Variants in LYPD6B observed in about 807,000 individuals in gnomAD.
LYPD6B encodes the protein LY6/PLAUR domain containing 6B.
A neutral mutation model predicts 22.8 loss-of-function variants in LYPD6B; 17 were observed. That is an observed-to-expected ratio of 0.75 (90% CI 0.51 to 1.12). The LOEUF (loss-of-function observed/expected upper bound fraction) is 1.12. Ranked by LOEUF, LYPD6B falls within the 50% of genes most tolerant of loss-of-function variation. LYPD6B has a pLI of 0.00. For missense variants in LYPD6B, 221 were observed against 258.3 expected (o/e 0.86, Z 0.99); for synonymous variants, 106 against 91.6 (o/e 1.16, Z -0.90).
chr2:149,120,784 C>CTTTTTTTT lies in LYPD6B; in HGVS notation c.-66-10085_-66-10078dup, dbSNP rs567231544. Among the ~76,000 whole-genome samples, 271 of 95,534 alleles carry CTTTTTTTT rather than the reference C, an allele frequency of 2.8e-3. 15 individuals carry two copies. The highest frequency in any genetic ancestry group is 7.9e-3 in the African/African-American group (169 of 21,282). 62.7% of individuals were successfully genotyped at this position (95,534 alleles called of 152,430 possible). On this transcript the variant is annotated intron_variant, in intron 1 of 6. Transcript: ENST00000409642. ...ATTTTTTGCTACTATGCTACAAAGTCTTTTTTTTTTTTTTTTTTTTTGTGA... is the reference window on the plus strand; with the variant it reads ...ATTTTTTGCTACTATGCTACAAAGTCTTTTTTTTTTTTTTTTTTTTTTTTTTTTTGTGA...
At chr2:149,123,838 C>A (rs1256848118) in intron 1 of LYPD6B, among the ~76,000 whole-genome samples, 1 of 152,044 alleles carries the variant, frequency 6.6e-6, no homozygotes, top group African/African-American at 2.4e-5. Flanking sequence ...CCAGCCTGGC[C>A]GACAGAGAGA....
At position 149,048,132 on chromosome 2, in the gene LYPD6B, T is replaced by TG. The variant is rs1683392471; in HGVS notation, c.-67+9332dup. Among the ~76,000 whole-genome samples, 5 of 152,340 alleles carry TG rather than the reference T, an allele frequency of 3.3e-5. No individual in the cohort carries two copies. The South Asian group carries it at 1.0e-3, about 32-fold the overall frequency. On this transcript the variant is annotated intron_variant, in intron 1 of 6. Coordinates refer to ENST00000409642, the MANE Select transcript of LYPD6B (RefSeq NM_177964.5). ...CTAGGTCTGGTTCTATTCATTGCAATGTCTTTTCGCAGTATGATCTTTTCT... is the reference window on the plus strand; with the variant it reads ...CTAGGTCTGGTTCTATTCATTGCAATGGTCTTTTCGCAGTATGATCTTTTCT...
At position 149,069,334 on chromosome 2, in the gene LYPD6B, T is replaced by C. The variant is rs537457239; in HGVS notation, c.-67+30533T>C. Among the ~76,000 whole-genome samples, 23 of 152,306 alleles carry C rather than the reference T, an allele frequency of 1.5e-4. No individual in the cohort carries two copies. The South Asian group carries it at 4.8e-3, about 32-fold the overall frequency. ...TTGTTACACAGGACATGCCTTGTAG[T>C]TGTGCTTTTTGCCTTGGCGACATAG... On this transcript the variant is annotated intron_variant, in intron 1 of 6. Transcript: ENST00000409642.
At chr2:149,199,819 C>T (rs999968603) in intron 3 of LYPD6B, among the ~76,000 whole-genome samples, 14 of 152,184 alleles carry the variant, frequency 9.2e-5, no homozygotes, top group Non-Finnish European at 1.3e-4. Context: ...GGGTTCCCAA[C>T]GCCCAGGGAA....
intron 1 of LYPD6B, among the ~76,000 whole-genome samples, chr2:149,086,177 C>T (rs897908132): frequency 6.6e-6 from 1 of 152,218 alleles, no homozygotes; most frequent in Admixed American, 6.5e-5. Flanking sequence ...ATAAACACTT[C>T]CCCAATGTGC....
chr2:149,091,600 T>A (rs1685654644), intron 1 of LYPD6B, among the ~76,000 whole-genome samples: 1 of 151,636 alleles, frequency 6.6e-6, no homozygotes, highest in Non-Finnish European at 1.5e-5. Flanking sequence ...TTCCCTTGGG[T>A]TTATATTCAT....
chr2:149,120,325 GTA>G (rs34395659), intron 1 of LYPD6B, among the ~76,000 whole-genome samples: 15,183 of 120,074 alleles, frequency 0.13, 1,249 homozygotes, highest in Non-Finnish European at 0.18. Context: ...ATATATATGT[GTA>G]TATATATATG....
chr2:149,082,760 C>T (rs1685193758), intron 1 of LYPD6B, among the ~76,000 whole-genome samples: 1 of 152,108 alleles, frequency 6.6e-6, no homozygotes, highest in Non-Finnish European at 1.5e-5. Flanking sequence ...ATTTGGGGCT[C>T]CTCTTGTGGC....
intron 3 of LYPD6B, among the ~76,000 whole-genome samples, chr2:149,176,210 C>T (rs544926827): frequency 2.6e-5 from 4 of 152,320 alleles, no homozygotes; most frequent in South Asian, 4.1e-4. Context: ...GCTCCATTCT[C>T]ATCTTGTAGG....
chr2:149,186,365 C>G (rs1575143783), intron 3 of LYPD6B, among the ~76,000 whole-genome samples: 1 of 152,350 alleles, frequency 6.6e-6, no homozygotes, highest in East Asian at 1.9e-4. Context: ...AAAGCCTAAT[C>G]CAGAGCAAGG....
At chr2:149,046,092 G>A (rs1683292936) in intron 1 of LYPD6B, among the ~76,000 whole-genome samples, 1 of 151,986 alleles carries the variant, frequency 6.6e-6, no homozygotes, top group African/African-American at 2.4e-5. Context: ...ACACATTTAG[G>A]GTTGTGATGT....
intron 1 of LYPD6B, among the ~76,000 whole-genome samples, chr2:149,075,567 T>C (rs541613483): frequency 2.0e-5 from 3 of 152,318 alleles, no homozygotes; most frequent in South Asian, 2.1e-4. Context: ...CAAACTTCTC[T>C]TGGAGAAAAG....
chr2:149,123,736 C>A (rs1359483167), intron 1 of LYPD6B, among the ~76,000 whole-genome samples: 1 of 152,098 alleles, frequency 6.6e-6, no homozygotes, highest in Non-Finnish European at 1.5e-5. Context: ...GTGGCACGCA[C>A]CCCCAGCTAC....
At chr2:149,149,944 G>A (rs779150966) in intron 2 of LYPD6B, among the ~76,000 whole-genome samples, 2 of 152,070 alleles carry the variant, frequency 1.3e-5, no homozygotes, top group African/African-American at 2.4e-5. Context: ...AATAACATGC[G>A]TATACCACTC....
intron 1 of LYPD6B, among the ~76,000 whole-genome samples, chr2:149,119,534 A>G (rs1212329508): frequency 6.6e-6 from 1 of 152,228 alleles, no homozygotes; most frequent in Non-Finnish European, 1.5e-5. Context: ...CACATTAACG[A>G]TGAACTCAGT....
chr2:149,074,588 C>G (rs185847688), intron 1 of LYPD6B, among the ~76,000 whole-genome samples: 33 of 152,258 alleles, frequency 2.2e-4, no homozygotes, highest in African/African-American at 7.5e-4. Context: ...CTTCCAGCCT[C>G]AGAGAAGAGT....
At chr2:149,119,691 C>G (rs919126312) in intron 1 of LYPD6B, among the ~76,000 whole-genome samples, 2 of 152,186 alleles carry the variant, frequency 1.3e-5, no homozygotes, top group East Asian at 1.9e-4. Flanking sequence ...AATCTGTTAT[C>G]ACTCTGCTAG....
chr2:149,165,254 A>G (rs1219916292), intron 3 of LYPD6B, among the ~76,000 whole-genome samples: 1 of 152,134 alleles, frequency 6.6e-6, no homozygotes, highest in Non-Finnish European at 1.5e-5. Flanking sequence ...CTTCTGCCAC[A>G]TTCTGTTGGT....
intron 2 of LYPD6B, among the ~76,000 whole-genome samples, chr2:149,136,820 T>G (rs1298708124): frequency 6.6e-6 from 1 of 152,238 alleles, no homozygotes; most frequent in Non-Finnish European, 1.5e-5. Context: ...GGCAGCTTAT[T>G]CTATGAAGAG....
Sources: gnomAD v4.1 joint callset for allele counts (sites outside exome capture counted in the v4.1 genomes callset) on GRCh38, gnomAD v4.1.1 for gene constraint, MANE v1.5 for transcripts, NCBI Gene and HGNC (gene_info 2026-07-23, HGNC 2026-07-21) for gene names.